DERA: variants seen among roughly 807,000 people sequenced by gnomAD.
DERA encodes 2-deoxy-D-ribose 5-phosphate aldolase.
Under a neutral mutation model 41.1 loss-of-function variants are expected in DERA, and 15 were observed. The ratio of observed to expected loss-of-function variants is 0.37; its 90% CI spans 0.24 to 0.56. DERA has a LOEUF of 0.56. DERA is among the 20% of genes least tolerant of loss of function. The probability of loss-of-function intolerance (pLI) is 0.81; values close to 1 mark genes in which losing one functional copy is unlikely to be tolerated. For synonymous variants in DERA, 139 were observed against 137.4 expected (o/e 1.01, Z -0.08); for missense variants, 396 against 403.4 (o/e 0.98, Z 0.16).
chr12:15,984,123 T>C lies in DERA; in HGVS notation c.637+1687T>C, dbSNP rs114052962. 9.1e-3 allele frequency among the ~76,000 whole-genome samples: 1,386 copies of C among 152,290 alleles called. 30 individuals are homozygous for C. The highest frequency in any genetic ancestry group is 0.032 in the African/African-American group (1,336 of 41,568). On this transcript the variant is annotated intron_variant, in intron 6 of 8. Coordinates refer to ENST00000428559, the MANE Select transcript of DERA (RefSeq NM_015954.4). This position sits in a 1 kb window ranked among gnomAD's most constrained non-coding sequence, Gnocchi z 4.5. Reference sequence around the variant, plus strand: ...GCCACTTATAGGACATACTTTGTGGTAGCCACGCTGTTGGTTGTGCACATG... The same window carrying C: ...GCCACTTATAGGACATACTTTGTGGCAGCCACGCTGTTGGTTGTGCACATG...
At chr12:15,969,719 A>G (rs1948647287) in intron 5 of DERA, among the ~76,000 whole-genome samples, 1 of 152,250 alleles carries the variant, frequency 6.6e-6, no homozygotes, top group African/African-American at 2.4e-5. Context: ...AATCAGGGCA[A>G]TAATCTATTT....
chr12:16,030,130 C>A (rs148983332), intron 6 of DERA, among the ~76,000 whole-genome samples: 2,774 of 149,336 alleles, frequency 0.019, 35 homozygotes, highest in Non-Finnish European at 0.027. Context: ...GATGGAGTTT[C>A]GCTATGTTGG....
intron 5 of DERA, among the ~76,000 whole-genome samples, chr12:15,963,913 A>T (rs562889522): frequency 6.6e-6 from 1 of 152,220 alleles, no homozygotes; most frequent in South Asian, 2.1e-4. Context: ...TGTGAAGCCT[A>T]ATTCCATTGA....
In DERA at chr12:15,999,235, T is replaced by G. The variant is rs74063603; in HGVS notation, c.637+16799T>G. ...CCTCGAATGGGTTCATCCAAATATTTGATGAAGGCATAATGTTTATCAGAC... is the reference window on the plus strand; with the variant it reads ...CCTCGAATGGGTTCATCCAAATATTGGATGAAGGCATAATGTTTATCAGAC... On this transcript the variant is annotated intron_variant, in intron 6 of 8. Transcript: ENST00000428559. This position sits in a 1 kb window ranked among gnomAD's most constrained non-coding sequence, Gnocchi z 5.3. Among the ~76,000 whole-genome samples the G allele has an allele frequency of 0.065, 9,946 of 152,210 alleles. 1,047 individuals carry two copies. The highest frequency in any genetic ancestry group is 0.22 in the African/African-American group (9,157 of 41,482).
Position 15,981,871 on chromosome 12 carries a change from T to TG in DERA, c.509-437_509-436insG. On this transcript the variant is annotated intron_variant, in intron 5 of 8. Transcript: ENST00000428559. The surrounding 1 kb of genome is among the most constrained non-coding windows in gnomAD (Gnocchi z 6.1). ...TAACTCTCAAGAAAGGTGTGCTTTA[T>TG]ATCCAACCAAAGAACCTATTACTTG... 5.0e-3 allele frequency among the ~76,000 whole-genome samples: 1 copy of TG among 202 alleles called. No homozygotes were observed. Among genetic ancestry groups the TG allele is most frequent in the East Asian group, 0.071 (1 of 14 alleles). The allele number at this position is 202 out of a possible 152,430, so 0.1% of individuals were successfully genotyped here.
At position 15,931,247 on chromosome 12, in the gene DERA, A is replaced by C. The variant is rs998853999; in HGVS notation, c.31+19833A>C. On this transcript the variant is annotated intron_variant, in intron 1 of 8. Transcript: ENST00000428559. The surrounding 1 kb of genome is among the most constrained non-coding windows in gnomAD (Gnocchi z 4.6). ...ACATTTTCAGTTGACCGATAGTATAAATTCAATAAGTAACAGAGCATTATT... is the reference window on the plus strand; with the variant it reads ...ACATTTTCAGTTGACCGATAGTATACATTCAATAAGTAACAGAGCATTATT... Among the ~76,000 whole-genome samples the C allele has an allele frequency of 8.5e-5, 13 of 152,102 alleles. No individual in the cohort carries two copies. The highest frequency in any genetic ancestry group is 2.9e-5 in the Non-Finnish European group (2 of 67,972).
rs545468305 is a variant in DERA, at chr12:15,982,767, A to T, written c.637+331A>T. Among the ~76,000 whole-genome samples, 25 of 152,136 alleles carry T rather than the reference A, an allele frequency of 1.6e-4. No homozygotes were observed. In the Middle Eastern group the frequency reaches 0.014, roughly 83 times the overall value. On this transcript the variant is annotated intron_variant, in intron 6 of 8. Coordinates refer to ENST00000428559, the MANE Select transcript of DERA (RefSeq NM_015954.4). This position sits in a 1 kb window ranked among gnomAD's most constrained non-coding sequence, Gnocchi z 4.0. Reference sequence around the variant, plus strand: ...TGTTAGACAGGAATTTCTTTGACTTACTCCTCTCTGAATTTAAGCTTTTCA... The same window carrying T: ...TGTTAGACAGGAATTTCTTTGACTTTCTCCTCTCTGAATTTAAGCTTTTCA...
chr12:15,953,637 G>A (rs569063657), intron 1 of DERA, among the ~76,000 whole-genome samples: 2 of 152,274 alleles, frequency 1.3e-5, no homozygotes, highest in South Asian at 4.1e-4. Flanking sequence ...CCAAAGGCAT[G>A]TGTACTTAAA....
At chr12:16,018,691 G>A (rs1472660315) in intron 6 of DERA, among the ~76,000 whole-genome samples, 11 of 152,110 alleles carry the variant, frequency 7.2e-5, no homozygotes, top group African/African-American at 2.7e-4. Context: ...CTGTACCATG[G>A]AGACTTGTAA....
At chr12:15,962,656 G>A (rs1948595602) in intron 4 of DERA, 157 bp from the exon 5 acceptor site, 2 of 555,286 alleles carry the variant, frequency 3.6e-6, no homozygotes, top group Non-Finnish European at 3.2e-6. Flanking sequence ...GTTCTTAAGT[G>A]TCAGTGCATT....
rs1948404600 is a variant in DERA, at chr12:15,941,015, C to T, written c.32-15921C>T. On this transcript the variant is annotated intron_variant, in intron 1 of 8. Transcript: ENST00000428559. This position sits in a 1 kb window ranked among gnomAD's most constrained non-coding sequence, Gnocchi z 4.5. ...AGAGTAAAATTTTTTATTAAACATA[C>T]TTTTTGTGAGGTCATTGTAACTGAT... Among the ~76,000 whole-genome samples the T allele has an allele frequency of 6.6e-6, 1 of 152,244 alleles. No homozygotes were observed. The highest frequency in any genetic ancestry group is 2.1e-4 in the South Asian group (1 of 4,812).
At chr12:15,933,322 G>A (rs1948342949) in intron 1 of DERA, among the ~76,000 whole-genome samples, 1 of 151,942 alleles carries the variant, frequency 6.6e-6, no homozygotes, top group African/African-American at 2.4e-5. Flanking sequence ...TCCACATCCT[G>A]TCATTTTTTT....
intron 4 of DERA, 67 bp from the exon 5 acceptor site, chr12:15,962,746 C>A: frequency 7.1e-7 from 1 of 1,398,878 alleles, no homozygotes; most frequent in Non-Finnish European, 9.7e-7. Flanking sequence ...TTTTCCCCTC[C>A]CCCCCTTGCT....
intron 1 of DERA, among the ~76,000 whole-genome samples, chr12:15,934,681 T>C (rs1948352832): frequency 6.6e-6 from 1 of 152,210 alleles, no homozygotes; most frequent in South Asian, 2.1e-4. Flanking sequence ...ATATTTTAAC[T>C]GCCTCTTTCT....
intron 6 of DERA, among the ~76,000 whole-genome samples, chr12:16,015,755 T>C (rs982694051): frequency 6.6e-6 from 1 of 152,202 alleles, no homozygotes; most frequent in African/African-American, 2.4e-5. Flanking sequence ...TGGGAAACCA[T>C]GTCCAGAGAA....
chr12:16,023,624 C>T (rs1949033493), intron 6 of DERA, among the ~76,000 whole-genome samples: 1 of 150,992 alleles, frequency 6.6e-6, no homozygotes, highest in African/African-American at 2.4e-5. Flanking sequence ...ACTACAGGCG[C>T]CCGCCACTAC....
At chr12:16,016,815 A>AAAAG (rs1565615116) in intron 6 of DERA, among the ~76,000 whole-genome samples, 9 of 151,272 alleles carry the variant, frequency 5.9e-5, no homozygotes, top group African/African-American at 2.2e-4. Context: ...AAAAAAAAAA[A>AAAAG]AAAGAAAGAA....
In DERA at chr12:15,996,589, C is replaced by A. The variant is rs1270688897; in HGVS notation, c.637+14153C>A. The stretch of plus-strand genomic sequence containing the variant: ...TAATGGCCCACCTTACTCAGTATGA[C>A]CTTATCTTAACTAATGACATCTTCA... On this transcript the variant is annotated intron_variant, in intron 6 of 8. Transcript: ENST00000428559. This position sits in a 1 kb window ranked among gnomAD's most constrained non-coding sequence, Gnocchi z 4.7. 1.3e-5 allele frequency among the ~76,000 whole-genome samples: 2 copies of A among 152,150 alleles called. No individual in the cohort carries two copies. Among genetic ancestry groups the A allele is most frequent in the African/African-American group, 2.4e-5 (1 of 41,428 alleles).
chr12:15,964,850 G>A (rs2136151338), intron 5 of DERA, among the ~76,000 whole-genome samples: 1 of 152,284 alleles, frequency 6.6e-6, no homozygotes, highest in African/African-American at 2.4e-5. Context: ...GTAGCTGACT[G>A]CCCCTTAATG....
Sources: allele counts gnomAD v4.1 joint callset (sites outside exome capture counted in the v4.1 genomes callset), GRCh38; gene constraint gnomAD v4.1.1; non-coding constraint Gnocchi (gnomAD v3.1); transcripts MANE v1.5; gene names NCBI Gene and HGNC (gene_info 2026-07-23, HGNC 2026-07-21).